STK31: variants seen among roughly 807,000 people sequenced by gnomAD.
STK31 encodes the protein serine/threonine kinase 31.
Under a neutral mutation model 129.7 loss-of-function variants are expected in STK31, and 89 were observed. The ratio of observed to expected loss-of-function variants is 0.69; its 90% CI spans 0.58 to 0.82. The LOEUF (loss-of-function observed/expected upper bound fraction) is 0.82, where lower values mean the gene tolerates loss of function less well. STK31 is among the 40% of genes least tolerant of loss of function. STK31 has a pLI of 0.00. For synonymous variants in STK31, 448 were observed against 395.3 expected (o/e 1.13, Z -1.58); for missense variants, 1,187 against 1,176.4 (o/e 1.01, Z -0.13).
Position 23,788,050 on chromosome 7 carries a change from G to C in STK31, c.2558G>C (p.Gly853Ala). 3.7e-6 allele frequency: 6 copies of C among 1,612,214 alleles called. No individual in the cohort carries two copies. The highest frequency in any genetic ancestry group is 5.1e-6 in the Non-Finnish European group (6 of 1,179,072). ...TTGCATAAGGCTGACATAATTCATG[G>C]ATCACTTCATCAGAACAATGTATTT... ...HTLHKADIIHGSLHQNNVFAL... is the reference protein window; with the variant it reads ...HTLHKADIIHASLHQNNVFAL... Residue 853 changes from glycine (G) to alanine (A), a missense_variant, in exon 21 of 24, where the codon GGA (glycine) becomes GCA (alanine). This residue lies in a region of STK31 where 975 missense variants were observed against 934.9 expected (regional missense o/e 1.04). Coordinates refer to ENST00000355870, the MANE Select transcript of STK31 (RefSeq NM_031414.5).
intron 5 of STK31, among the ~76,000 whole-genome samples, chr7:23,727,927 A>G (rs570485007): frequency 5.3e-5 from 8 of 152,202 alleles, no homozygotes; most frequent in East Asian, 1.9e-4. Flanking sequence ...ATTAAGCTTT[A>G]TAAGTAGGAG....
chr7:23,736,855 T>A (rs764254282), intron 7 of STK31, 49 bp from the exon 8 acceptor site: 5 of 1,410,072 alleles, frequency 3.5e-6, no homozygotes, highest in Non-Finnish European at 4.7e-6. Context: ...GTTTTCTGTG[T>A]CAGCCTTATA....
chr7:23,830,460 C>CGAA (rs1794472978), intron 23 of STK31, among the ~76,000 whole-genome samples: 1 of 152,022 alleles, frequency 6.6e-6, no homozygotes, highest in Non-Finnish European at 1.5e-5. Flanking sequence ...TTCAATTGTT[C>CGAA]TAAGACATTT....
At chr7:23,727,456 T>C (rs1345224831) in intron 5 of STK31, 141 bp downstream of exon 5, 2 of 658,656 alleles carry the variant, frequency 3.0e-6, no homozygotes, top group Non-Finnish European at 5.2e-6. Flanking sequence ...AGAAATTAAT[T>C]GCTAAAAAAC....
At chr7:23,811,724 A>T (rs1442141256) in intron 22 of STK31, 1 of 153,450 alleles carries the variant, frequency 6.5e-6, no homozygotes, top group Non-Finnish European at 1.4e-5. Flanking sequence ...TCCAGGGAAT[A>T]GGAAGCATCC....
In STK31 at chr7:23,783,675, T is replaced by C. The variant is rs1470897912; in HGVS notation, c.2148+12T>C. On this transcript the variant is annotated intron_variant, in intron 17 of 23. Transcript: ENST00000355870. ...TACTCAAATACATGGTAAACTTTGT[T>C]TCCCTTGCGAATTACTACTCTTCAG... 6 of 1,604,118 alleles carry C rather than the reference T, an allele frequency of 3.7e-6. No individual in the cohort carries two copies. Among genetic ancestry groups the C allele is most frequent in the Non-Finnish European group, 4.3e-6 (5 of 1,174,880 alleles).
At chr7:23,792,742 C>T (rs2128115487) in intron 22 of STK31, among the ~76,000 whole-genome samples, 1 of 152,212 alleles carries the variant, frequency 6.6e-6, no homozygotes, top group Middle Eastern at 3.4e-3. Context: ...ACAATGTAGG[C>T]CTAGAGTGGT....
intron 13 of STK31, among the ~76,000 whole-genome samples, chr7:23,770,312 G>C (rs1013909915): frequency 6.6e-6 from 1 of 152,074 alleles, no homozygotes. Flanking sequence ...TGTTTCAGTG[G>C]TTAGGCTTCT....
chr7:23,817,725 G>C (rs1793556735), intron 23 of STK31, among the ~76,000 whole-genome samples: 1 of 152,100 alleles, frequency 6.6e-6, no homozygotes, highest in Non-Finnish European at 1.5e-5. Flanking sequence ...TGCTGATTTT[G>C]GTAGTTTGTG....
At chr7:23,736,844 T>C in intron 7 of STK31, 60 bp from the exon 8 acceptor site, 1 of 1,353,578 alleles carries the variant, frequency 7.4e-7, no homozygotes, top group Non-Finnish European at 9.7e-7. Flanking sequence ...AACTTAGATT[T>C]GTTTTCTGTG....
chr7:23,723,335 T>G (rs1786841784), intron 4 of STK31, among the ~76,000 whole-genome samples: 1 of 152,208 alleles, frequency 6.6e-6, no homozygotes, highest in Non-Finnish European at 1.5e-5. Flanking sequence ...TTGACAGATT[T>G]CTTTCAGAGA....
intron 23 of STK31, among the ~76,000 whole-genome samples, chr7:23,829,544 A>G (rs779004280): frequency 7.2e-5 from 11 of 152,054 alleles, no homozygotes; most frequent in Non-Finnish European, 1.5e-4. Context: ...TTTTGTTGAA[A>G]AATTTTGCAT....
At chr7:23,825,315 G>C (rs182311184) in intron 23 of STK31, among the ~76,000 whole-genome samples, 12 of 152,206 alleles carry the variant, frequency 7.9e-5, no homozygotes, top group Admixed American at 7.9e-4. Flanking sequence ...CTTCTTCCTG[G>C]CTTAGTCTTG....
chr7:23,784,068 A>G (rs952674779), intron 17 of STK31, among the ~76,000 whole-genome samples: 5 of 152,046 alleles, frequency 3.3e-5, no homozygotes, highest in Non-Finnish European at 1.5e-5. Context: ...AATTCTAGAG[A>G]GGTTGGTTAA....
chr7:23,791,413 GCTA>G, intron 22 of STK31: 9 of 480,894 alleles, frequency 1.9e-5, no homozygotes, highest in Non-Finnish European at 2.4e-5. Context: ...ATAAGTGGGA[GCTA>G]AACACTGAGT....
At chr7:23,787,876 G>T in intron 20 of STK31, 104 bp from the exon 21 acceptor site, 1 of 1,139,512 alleles carries the variant, frequency 8.8e-7, no homozygotes, top group Non-Finnish European at 1.2e-6. Flanking sequence ...TTCATTTCGA[G>T]GAAACTTTAC....
chr7:23,804,743 T>G (rs1421807317), intron 22 of STK31, among the ~76,000 whole-genome samples: 3 of 152,212 alleles, frequency 2.0e-5, no homozygotes, highest in African/African-American at 7.2e-5. Context: ...CAGGATTTTG[T>G]GAATCTCTAC....
At chr7:23,738,486 C>A (rs1787852672) in intron 8 of STK31, among the ~76,000 whole-genome samples, 1 of 152,198 alleles carries the variant, frequency 6.6e-6, no homozygotes, top group East Asian at 1.9e-4. Flanking sequence ...CTCCCGGACT[C>A]AAGCAATCCA....
At chr7:23,774,438 T>C (rs879873823) in intron 15 of STK31, among the ~76,000 whole-genome samples, 39 of 152,252 alleles carry the variant, frequency 2.6e-4, no homozygotes, top group South Asian at 1.5e-3. Flanking sequence ...TCCTCCCCAC[T>C]GTCTGTTGTT....
Sources: allele counts gnomAD v4.1 joint callset (sites outside exome capture counted in the v4.1 genomes callset), GRCh38; gene constraint gnomAD v4.1.1; regional missense constraint gnomAD v4.1.1; transcripts MANE v1.5; gene names NCBI Gene and HGNC (gene_info 2026-07-23, HGNC 2026-07-21).